Variants in RYR2 observed in about 807,000 individuals in gnomAD.
RYR2 encodes the protein ryanodine receptor 2, also known as cardiac muscle ryanodine receptor-calcium release channel.
In RYR2, 227 loss-of-function variants were observed where a neutral mutation model predicts 601.1. The observed-to-expected ratio is 0.38, with a 90% CI of 0.34 to 0.42. The LOEUF is 0.42. RYR2 is among the 10% of genes least tolerant of loss of function. The pLI is 1.00. For synonymous variants in RYR2, 2,223 were observed against 2,175.1 expected, an observed-to-expected ratio of 1.02 and a Z score of -0.61; for missense variants, 4,646 against 6,156.5, an observed-to-expected ratio of 0.75 and a Z score of 8.21.
At chr1:237,616,113 A>G (rs1010708104) in intron 37 of RYR2, among the ~76,000 whole-genome samples, 2 of 152,156 alleles carry the variant, frequency 1.3e-5, no homozygotes, top group African/African-American at 4.8e-5. Context: ...GACCATGCTC[A>G]GAGGAGGGTG....
At chr1:237,283,178 T>C (rs1453862270) in intron 2 of RYR2, among the ~76,000 whole-genome samples, 1 of 152,252 alleles carries the variant, frequency 6.6e-6, no homozygotes, top group Non-Finnish European at 1.5e-5. Flanking sequence ...AAATGTTTTT[T>C]CCTTTGTAAA....
At chr1:237,308,781 G>A (rs1273699052) in intron 2 of RYR2, among the ~76,000 whole-genome samples, 1 of 152,192 alleles carries the variant, frequency 6.6e-6, no homozygotes. Context: ...CCGTGGAAAG[G>A]GACCTGAGCA....
At chr1:237,515,839 TC>T (rs1666445284) in intron 24 of RYR2, among the ~76,000 whole-genome samples, 1 of 144,214 alleles carries the variant, frequency 6.9e-6, no homozygotes, top group South Asian at 2.3e-4. Flanking sequence ...CTCCCTCTTC[TC>T]CTCCTCCCTC....
At chr1:237,065,287 TTTTTTTTTTCG>T (rs1663438097) in intron 1 of RYR2, among the ~76,000 whole-genome samples, 2 of 59,798 alleles carry the variant, frequency 3.3e-5, no homozygotes, top group African/African-American at 1.2e-4. Flanking sequence ...TTTTTTTTTT[TTTTTTTTTTCG>T]AGAGGGAGTC....
intron 74 of RYR2, among the ~76,000 whole-genome samples, 160 bp from the exon 75 acceptor site, chr1:237,726,113 G>A (rs73101967): frequency 6.6e-6 from 1 of 152,028 alleles, no homozygotes; most frequent in Non-Finnish European, 1.5e-5. Context: ...GTGCTTTTCC[G>A]TTAAACAAGT....
At chr1:237,104,192 G>C (rs541959526) in intron 1 of RYR2, among the ~76,000 whole-genome samples, 6 of 152,068 alleles carry the variant, frequency 3.9e-5, no homozygotes, top group Non-Finnish European at 8.8e-5. Context: ...TCCATGGAAC[G>C]TGCCTGTCTG....
chr1:237,234,175 A>G (rs59333525), intron 1 of RYR2, among the ~76,000 whole-genome samples: 1,924 of 152,312 alleles, frequency 0.013, 52 homozygotes, highest in African/African-American at 0.045. Context: ...ACCAAAGAAT[A>G]AATCCTTTAT....
At chr1:237,665,365 C>T (rs566711104) in intron 56 of RYR2, among the ~76,000 whole-genome samples, 2 of 146,508 alleles carry the variant, frequency 1.4e-5, no homozygotes, top group Non-Finnish European at 3.0e-5. Context: ...TGCCACTGCA[C>T]TCCAGCCTGG....
In RYR2 at chr1:237,784,933, C is replaced by T; in HGVS notation, c.13221C>T (p.Ser4407=). Residue 4407 remains serine, a synonymous_variant, in exon 90 of 105, where the codon AGC becomes AGT. Transcript: ENST00000366574. This position sits in a 1 kb window ranked among gnomAD's most constrained non-coding sequence, Gnocchi z 7.1. ...ATGCTGGGCTCAGTGACCTCATGAG[C>T]AACCCAGTCCCCATGCCTGAGGTGC... ...NPNAGLSDLM[S]NPVPMPEVQE... is the part of the protein sequence containing the mutation. 2 of 1,605,562 alleles carry T rather than the reference C, an allele frequency of 1.2e-6. No homozygotes were observed. The highest frequency in any genetic ancestry group is 3.3e-4 in the Middle Eastern group (2 of 6,048).
chr1:237,270,458 G>A (rs1347497966), intron 1 of RYR2, 39 bp from the exon 2 acceptor site: 42 of 1,553,582 alleles, frequency 2.7e-5, no homozygotes, highest in Middle Eastern at 1.7e-4. Context: ...GTCATGTCAC[G>A]TCTCACTTAT....
chr1:237,397,035 C>T (rs944380611), intron 10 of RYR2, among the ~76,000 whole-genome samples: 8 of 152,048 alleles, frequency 5.3e-5, no homozygotes, highest in Non-Finnish European at 5.9e-5. Context: ...GAGACTGAGA[C>T]AGGTGGATCA....
At chr1:237,732,670 C>T (rs1690793891) in intron 78 of RYR2, among the ~76,000 whole-genome samples, 1 of 152,112 alleles carries the variant, frequency 6.6e-6, no homozygotes, top group African/African-American at 2.4e-5. Context: ...ATGAATTCAC[C>T]AAAGCCACAA....
chr1:237,235,286 C>T (rs1325921665), intron 1 of RYR2, among the ~76,000 whole-genome samples: 1 of 152,208 alleles, frequency 6.6e-6, no homozygotes, highest in Non-Finnish European at 1.5e-5. Flanking sequence ...GTTGCTCTCT[C>T]CTGTTCGCTA....
At chr1:237,051,767 C>T (rs1482495894) in intron 1 of RYR2, among the ~76,000 whole-genome samples, 1 of 152,094 alleles carries the variant, frequency 6.6e-6, no homozygotes, top group East Asian at 1.9e-4. Flanking sequence ...GTGAAGTGAG[C>T]CCAGTGTTTG....
intron 1 of RYR2, among the ~76,000 whole-genome samples, chr1:237,109,536 C>T (rs952090314): frequency 2.0e-5 from 3 of 152,168 alleles, no homozygotes; most frequent in African/African-American, 7.2e-5. Flanking sequence ...GCTACTGAAT[C>T]TCCCGAAGGG....
intron 48 of RYR2, among the ~76,000 whole-genome samples, chr1:237,645,437 A>G (rs1054480058): frequency 1.3e-5 from 2 of 152,176 alleles, no homozygotes; most frequent in South Asian, 2.1e-4. Flanking sequence ...CTTAAGGAAA[A>G]TATCTTTTCT....
chr1:237,762,770 G>A (rs1693530148), intron 84 of RYR2, among the ~76,000 whole-genome samples: 2 of 152,102 alleles, frequency 1.3e-5, no homozygotes, highest in Admixed American at 6.6e-5. Context: ...TACTCAAACC[G>A]ATTAACACGT....
At chr1:237,649,452 T>A (rs903202987) in intron 49 of RYR2, among the ~76,000 whole-genome samples, 14 of 152,160 alleles carry the variant, frequency 9.2e-5, no homozygotes, top group African/African-American at 3.4e-4. Flanking sequence ...CTGATAGACA[T>A]GAGAAGAATA....
chr1:237,427,929 A>G (rs1031518480), intron 12 of RYR2, among the ~76,000 whole-genome samples: 30 of 152,308 alleles, frequency 2.0e-4, no homozygotes, highest in Non-Finnish European at 3.4e-4. Context: ...TAAAACAATA[A>G]AAAGTGGGCA....
Sources: allele counts gnomAD v4.1 joint callset (sites outside exome capture counted in the v4.1 genomes callset), GRCh38; gene constraint gnomAD v4.1.1; non-coding constraint Gnocchi (gnomAD v3.1); transcripts MANE v1.5; gene names NCBI Gene and HGNC (gene_info 2026-07-23, HGNC 2026-07-21).